The following WDR72 variants were observed in gnomAD, a reference collection of about 807,000 sequenced individuals.
WDR72 encodes the protein WD repeat domain 72, also known as WD repeat-containing protein 72.
Under a neutral mutation model 124.2 loss-of-function variants are expected in WDR72, and 120 were observed. The observed-to-expected ratio is 0.97, with a 90% CI of 0.83 to 1.12. The LOEUF is 1.12. Among genes scored for constraint, WDR72 ranks in the 50% most tolerant of loss-of-function variants. The probability of loss-of-function intolerance (pLI) is 0.00; values close to 1 mark genes in which losing one functional copy is unlikely to be tolerated. For synonymous variants in WDR72, 452 were observed against 441.7 expected (o/e 1.02, Z -0.29); for missense variants, 1,387 against 1,278.8 (o/e 1.08, Z -1.29).
chr15:53,742,380 G>A (rs575502247), intron 1 of WDR72, among the ~76,000 whole-genome samples: 2 of 152,188 alleles, frequency 1.3e-5, no homozygotes, highest in South Asian at 2.1e-4. Flanking sequence ...CACCTGTTGT[G>A]TTTCAAATAA....
intron 18 of WDR72, among the ~76,000 whole-genome samples, chr15:53,536,602 G>A (rs1416874914): frequency 6.6e-6 from 1 of 152,140 alleles, no homozygotes; most frequent in African/African-American, 2.4e-5. Flanking sequence ...ATGGGTGGAT[G>A]AATGTATGAA....
rs374498656 is a variant in WDR72, at chr15:53,599,732, A to G, written c.2953-2458T>C. On this transcript the variant is annotated intron_variant, in intron 17 of 19. Transcript: ENST00000360509. ...GCCCACAACTGTGATCTAAAATGTC[A>G]TCTCTCCCACTGAATATAATATCCT... Among the ~76,000 whole-genome samples the G allele has an allele frequency of 3.3e-5, 5 of 152,084 alleles. No homozygotes were observed. The East Asian group carries it at 5.8e-4, about 18-fold the overall frequency.
At chr15:53,532,396 G>A (rs1892530198) in intron 18 of WDR72, among the ~76,000 whole-genome samples, 1 of 152,076 alleles carries the variant, frequency 6.6e-6, no homozygotes, top group South Asian at 2.1e-4. Context: ...CAACCCAACT[G>A]TTCATCAGTG....
intron 18 of WDR72, among the ~76,000 whole-genome samples, chr15:53,592,862 TGTAA>T (rs1293021390): frequency 6.6e-6 from 1 of 152,138 alleles, no homozygotes; most frequent in Non-Finnish European, 1.5e-5. Flanking sequence ...AAGCCTCAAA[TGTAA>T]GTGTTAATTG....
intron 2 of WDR72, among the ~76,000 whole-genome samples, 156 bp downstream of exon 2, chr15:53,732,841 T>C (rs2018240306): frequency 6.6e-6 from 1 of 152,230 alleles, no homozygotes; most frequent in African/African-American, 2.4e-5. Flanking sequence ...TATAATACTT[T>C]ATTTTCTCAA....
chr15:53,626,703 G>A (rs2014225677), intron 14 of WDR72, among the ~76,000 whole-genome samples: 1 of 152,136 alleles, frequency 6.6e-6, no homozygotes, highest in Admixed American at 6.5e-5. Flanking sequence ...TCCTGTTGTT[G>A]CCTAATTAGC....
At chr15:53,683,128 A>T (rs767088234) in intron 13 of WDR72, among the ~76,000 whole-genome samples, 1 of 152,118 alleles carries the variant, frequency 6.6e-6, no homozygotes, top group Non-Finnish European at 1.5e-5. Flanking sequence ...AATTGCCCCC[A>T]TGATCCAATC....
At chr15:53,626,193 G>A (rs1325427768) in intron 14 of WDR72, among the ~76,000 whole-genome samples, 2 of 152,110 alleles carry the variant, frequency 1.3e-5, no homozygotes, top group African/African-American at 4.8e-5. Flanking sequence ...CTGACCTGGG[G>A]TTCTAGGCCT....
intron 14 of WDR72, among the ~76,000 whole-genome samples, chr15:53,629,928 T>C (rs1340547772): frequency 2.6e-5 from 4 of 152,138 alleles, no homozygotes; most frequent in Non-Finnish European, 5.9e-5. Context: ...GGAGTCCCAT[T>C]TACCAACCTT....
chr15:53,676,450 C>T (rs558600947), intron 13 of WDR72, among the ~76,000 whole-genome samples: 1 of 152,266 alleles, frequency 6.6e-6, no homozygotes, highest in African/African-American at 2.4e-5. Flanking sequence ...AAGAGGAAGT[C>T]GAGATTTAAA....
chr15:53,648,924 C>G (rs2015138330), intron 14 of WDR72, among the ~76,000 whole-genome samples: 1 of 136,634 alleles, frequency 7.3e-6, no homozygotes, highest in Admixed American at 6.8e-5. Context: ...CTCTGAAAAC[C>G]CAAAAGAGAG....
intron 18 of WDR72, among the ~76,000 whole-genome samples, chr15:53,532,917 CATA>C (rs1478827308): frequency 1.3e-5 from 2 of 151,928 alleles, no homozygotes; most frequent in Non-Finnish European, 2.9e-5. Flanking sequence ...AGTATGTATT[CATA>C]ATAATTACAA....
chr15:53,668,117 T>A (rs938816121), intron 13 of WDR72, among the ~76,000 whole-genome samples: 12 of 152,238 alleles, frequency 7.9e-5, no homozygotes, highest in Non-Finnish European at 1.8e-4. Context: ...TAAGCTGCAA[T>A]ATTTAAAGTA....
chr15:53,701,568 C>T (rs2017179979), intron 12 of WDR72, among the ~76,000 whole-genome samples: 1 of 149,356 alleles, frequency 6.7e-6, no homozygotes, highest in Non-Finnish European at 1.5e-5. Flanking sequence ...CTCACACACA[C>T]ACACACACAC....
At chr15:53,687,565 A>C (rs2016683499) in intron 13 of WDR72, among the ~76,000 whole-genome samples, 1 of 150,458 alleles carries the variant, frequency 6.6e-6, no homozygotes, top group Non-Finnish European at 1.5e-5. Flanking sequence ...TTGTGGCAAT[A>C]ATCAATAGCT....
intron 18 of WDR72, among the ~76,000 whole-genome samples, chr15:53,581,524 A>G (rs2011925643): frequency 6.6e-6 from 1 of 152,102 alleles, no homozygotes; most frequent in African/African-American, 2.4e-5. Flanking sequence ...AAATGAATCT[A>G]GTCATTGGTA....
At chr15:53,573,022 G>T (rs1595767948) in intron 18 of WDR72, among the ~76,000 whole-genome samples, 1 of 152,170 alleles carries the variant, frequency 6.6e-6, no homozygotes, top group South Asian at 2.1e-4. Context: ...AGGAGGTAGA[G>T]GTATCAGTAT....
chr15:53,561,255 C>T (rs1397484414), intron 18 of WDR72, among the ~76,000 whole-genome samples: 1 of 151,666 alleles, frequency 6.6e-6, no homozygotes, highest in Non-Finnish European at 1.5e-5. Flanking sequence ...TATTAGTTCT[C>T]CTCTCTCTCC....
upstream of WDR72, among the ~76,000 whole-genome samples, chr15:53,760,034 T>A (rs1425937997): frequency 2.3e-5 from 3 of 130,968 alleles, no homozygotes; most frequent in African/African-American, 8.7e-5. Context: ...TTTTTTTTTT[T>A]AAGTTTTTGG....
Sources: allele counts gnomAD v4.1 joint callset (sites outside exome capture counted in the v4.1 genomes callset), GRCh38; gene constraint gnomAD v4.1.1; transcripts MANE v1.5; gene names NCBI Gene and HGNC (gene_info 2026-07-23, HGNC 2026-07-21).